Variants in PTDSS1 observed in about 807,000 individuals in gnomAD.
PTDSS1 encodes phosphatidylserine synthase 1.
PTDSS1 carries 45 observed loss-of-function variants against 70.5 expected under a neutral mutation model. The ratio of observed to expected loss-of-function variants is 0.64; its 90% confidence interval spans 0.50 to 0.82. The LOEUF (loss-of-function observed/expected upper bound fraction) is 0.82, where lower values mean the gene tolerates loss of function less well. PTDSS1 is among the 40% of genes least tolerant of loss of function. PTDSS1 has a pLI of 0.00. For synonymous variants in PTDSS1, 188 were observed against 203.8 expected, an observed-to-expected ratio of 0.92 and a Z score of 0.66; for missense variants, 417 against 586.1, an observed-to-expected ratio of 0.71 and a Z score of 2.98.
rs1487566123 is a variant in PTDSS1, at chr8:96,333,958, C to A, written c.*392C>A. ...TTAACCCCATGGTTAATGGACTGGT[C>A]ACCAGTTTTTATTTTATTTTTATGA... On this transcript the variant is annotated 3_prime_UTR_variant, in exon 13 of 13. Coordinates refer to ENST00000517309, the MANE Select transcript of PTDSS1 (RefSeq NM_014754.3). 2.1e-5 allele frequency: 10 copies of A among 469,962 alleles called. No homozygotes were observed. The highest frequency in any genetic ancestry group is 9.7e-5 in the East Asian group (3 of 30,876). The allele number at this position is 469,962 out of a possible 1,614,324, so 29.1% of individuals were successfully genotyped here.
Position 96,304,031 on chromosome 8 carries a change from T to C in PTDSS1, c.753-9T>C. The C allele has an allele frequency of 6.2e-7, 1 of 1,602,118 alleles. No individual in the cohort carries two copies. The highest frequency in any genetic ancestry group is 8.5e-7 in the Non-Finnish European group (1 of 1,176,664). ...CTGGATTTTCACTGGAGCCATTCTC[T>C]TCTTACAGGGACATTCATACCACCA... On this transcript the variant is annotated splice_polypyrimidine_tract_variant and intron_variant, in intron 6 of 12. Coordinates refer to ENST00000517309, the MANE Select transcript of PTDSS1 (RefSeq NM_014754.3).
chr8:96,288,640 T>TG (rs1810859044), intron 4 of PTDSS1, among the ~76,000 whole-genome samples: 2 of 144,610 alleles, frequency 1.4e-5, no homozygotes, highest in South Asian at 4.6e-4. Context: ...TTTTTTTTTT[T>TG]TTTTTTTGAG....
chr8:96,314,297 T>C (rs898866065), intron 9 of PTDSS1, among the ~76,000 whole-genome samples: 2 of 152,130 alleles, frequency 1.3e-5, no homozygotes, highest in African/African-American at 4.8e-5. Context: ...TCCTCCCACC[T>C]TGACCTCTCA....
intron 12 of PTDSS1, among the ~76,000 whole-genome samples, chr8:96,332,422 G>A (rs1049554882): frequency 6.6e-6 from 1 of 152,170 alleles, no homozygotes; most frequent in Admixed American, 6.5e-5. Context: ...AAGTTCTTTT[G>A]GCATCAGGCT....
chr8:96,330,774 C>T, intron 11 of PTDSS1: 1 of 491,954 alleles, frequency 2.0e-6, no homozygotes, highest in East Asian at 3.3e-5. Flanking sequence ...AAAAATAACA[C>T]TTTCATCCTT....
chr8:96,287,049 T>C lies in PTDSS1; in HGVS notation c.344T>C (p.Leu115Pro). 6.2e-7 allele frequency: 1 copy of C among 1,614,092 alleles called. No homozygotes were observed. Among genetic ancestry groups the C allele is most frequent in the Non-Finnish European group, 8.5e-7 (1 of 1,179,914 alleles). ...CTCAGTGTGCTCTACTTCCTGTTCC[T>C]GGTATTCCTACTCTTCCTGAATTTC... Reference protein sequence around the residue: ...FGLSVLYFLFLVFLLFLNFEQ... With the variant: ...FGLSVLYFLFPVFLLFLNFEQ... The change falls in exon 4 of 13, where the codon CTG becomes CCG. Residue 115 changes from leucine to proline, a missense_variant. Around this residue, in one of 3 missense-constraint regions of PTDSS1, gnomAD observed 272 missense variants for 429.5 expected, o/e 0.63. Transcript: ENST00000517309.
At chr8:96,323,713 AC>A (rs1246817935) in intron 10 of PTDSS1, among the ~76,000 whole-genome samples, 1 of 152,094 alleles carries the variant, frequency 6.6e-6, no homozygotes, top group African/African-American at 2.4e-5. Flanking sequence ...GATCTCTGAA[AC>A]GCTTTTGCTT....
At chr8:96,303,646 T>C (rs946095251) in intron 6 of PTDSS1, among the ~76,000 whole-genome samples, 2 of 152,202 alleles carry the variant, frequency 1.3e-5, no homozygotes, top group African/African-American at 2.4e-5. Flanking sequence ...AAACTTTTAA[T>C]TGAGTGATTT....
chr8:96,305,470 C>T (rs527717065), intron 7 of PTDSS1, among the ~76,000 whole-genome samples: 107 of 152,250 alleles, frequency 7.0e-4, no homozygotes, highest in South Asian at 3.7e-3. Context: ...AGAGAGCAGC[C>T]ACGTCCCAGC....
intron 1 of PTDSS1, among the ~76,000 whole-genome samples, chr8:96,267,165 A>G (rs949253043): frequency 1.3e-5 from 2 of 152,246 alleles, no homozygotes; most frequent in South Asian, 2.1e-4. Context: ...AGATTTCTGT[A>G]GAGAAGTTAC....
chr8:96,274,832 G>A (rs1586183284), intron 2 of PTDSS1, among the ~76,000 whole-genome samples: 1 of 152,324 alleles, frequency 6.6e-6, no homozygotes, highest in East Asian at 1.9e-4. Context: ...AGTGGTTTTA[G>A]TATGTAGCAG....
At chr8:96,263,704 A>G (rs1027274983) in intron 1 of PTDSS1, among the ~76,000 whole-genome samples, 3 of 152,214 alleles carry the variant, frequency 2.0e-5, no homozygotes, top group African/African-American at 7.2e-5. Flanking sequence ...AACTTCTAGT[A>G]TTTGGGAGGG....
intron 1 of PTDSS1, among the ~76,000 whole-genome samples, chr8:96,268,439 A>C (rs558653411): frequency 2.0e-5 from 3 of 152,212 alleles, no homozygotes; most frequent in Non-Finnish European, 4.4e-5. Flanking sequence ...TAGAAGCCTT[A>C]GGAATCATAA....
At position 96,302,161 on chromosome 8, in the gene PTDSS1, A is replaced by C. The variant is rs76773741; in HGVS notation, c.753-1879A>C. On this transcript the variant is annotated intron_variant, in intron 6 of 12. Coordinates refer to ENST00000517309, the MANE Select transcript of PTDSS1 (RefSeq NM_014754.3). ...AGCCTCCCCAGTGCCTGTAATCCCC[A>C]GGTGGGATTACAGGCATGCACCACC... 8.0e-4 allele frequency among the ~76,000 whole-genome samples: 121 copies of C among 152,032 alleles called. 1 individual carries two copies. In the East Asian group the frequency reaches 0.011, roughly 14 times the overall value.
At chr8:96,324,808 C>A (rs1203864375) in intron 10 of PTDSS1, among the ~76,000 whole-genome samples, 3 of 152,210 alleles carry the variant, frequency 2.0e-5, no homozygotes, top group African/African-American at 7.2e-5. Context: ...CCTCTAATTT[C>A]TCTTTAAGTT....
At chr8:96,266,160 A>T (rs1457376840) in intron 1 of PTDSS1, among the ~76,000 whole-genome samples, 14 of 152,258 alleles carry the variant, frequency 9.2e-5, no homozygotes, top group African/African-American at 3.4e-4. Flanking sequence ...CTATTAATTC[A>T]CATTCAAAGA....
At chr8:96,323,908 C>G (rs1343480602) in intron 10 of PTDSS1, among the ~76,000 whole-genome samples, 1 of 152,150 alleles carries the variant, frequency 6.6e-6, no homozygotes, top group Admixed American at 6.5e-5. Context: ...TTTAAATTGT[C>G]TTTAAGTCAT....
intron 10 of PTDSS1, 55 bp from the exon 11 acceptor site, chr8:96,330,158 G>A (rs954598784): frequency 6.7e-7 from 1 of 1,499,464 alleles, no homozygotes; most frequent in African/African-American, 1.4e-5. Context: ...CTGAAACCCT[G>A]AAGTTCTGGG....
chr8:96,268,356 A>G (rs923297798), intron 1 of PTDSS1, among the ~76,000 whole-genome samples: 7 of 152,192 alleles, frequency 4.6e-5, no homozygotes, highest in African/African-American at 1.7e-4. Flanking sequence ...ACATGAACCT[A>G]TAGGTCTTTA....
Sources: allele counts gnomAD v4.1 joint callset (sites outside exome capture counted in the v4.1 genomes callset), GRCh38; gene constraint gnomAD v4.1.1; regional missense constraint gnomAD v4.1.1; transcripts MANE v1.5; gene names NCBI Gene and HGNC (gene_info 2026-07-23, HGNC 2026-07-21).